The following HPSE2 variants were observed in gnomAD, a reference collection of about 807,000 sequenced individuals.
HPSE2 encodes inactive heparanase-2.
In HPSE2, 38 loss-of-function variants were observed where a neutral mutation model predicts 60.5. The observed-to-expected ratio is 0.63, with a 90% CI of 0.48 to 0.82. The LOEUF is 0.82. HPSE2 is among the 40% of genes least tolerant of loss of function. HPSE2 has a pLI of 0.00. For missense variants in HPSE2, 713 were observed against 740.4 expected (o/e 0.96, Z 0.43); for synonymous variants, 295 against 293.2 (o/e 1.01, Z -0.06).
chr10:98,602,093 T>C (rs1363529570), intron 9 of HPSE2, among the ~76,000 whole-genome samples: 3 of 152,102 alleles, frequency 2.0e-5, no homozygotes, highest in East Asian at 1.9e-4. Context: ...CTCACCAAAG[T>C]AGTGAGTGAT....
chr10:99,132,198 AG>A (rs1302338693), intron 3 of HPSE2, among the ~76,000 whole-genome samples: 5 of 15,388 alleles, frequency 3.2e-4, no homozygotes, highest in Admixed American at 9.2e-4. Context: ...AGAAAGAGAG[AG>A]AGAGAGAGAG....
intron 3 of HPSE2, among the ~76,000 whole-genome samples, chr10:98,802,575 G>T (rs1589850390): frequency 6.8e-6 from 1 of 147,792 alleles, no homozygotes; most frequent in East Asian, 2.0e-4. Flanking sequence ...GCGGTGTTTG[G>T]TTTTTTGTTC....
chr10:99,041,674 T>C (rs1303128728), intron 3 of HPSE2, among the ~76,000 whole-genome samples: 1 of 152,020 alleles, frequency 6.6e-6, no homozygotes, highest in East Asian at 1.9e-4. Flanking sequence ...TGCTGAGGAG[T>C]GCACGGATTG....
intron 3 of HPSE2, among the ~76,000 whole-genome samples, chr10:98,886,728 A>C (rs1953176745): frequency 1.3e-5 from 2 of 152,128 alleles, no homozygotes; most frequent in Non-Finnish European, 2.9e-5. Context: ...GTGGAGATAA[A>C]AATTGAGAGA....
rs112072577 is a variant in HPSE2 at position 98,908,179 on chromosome 10, T to C, written c.611-164123A>G. ...AGTTGTTAATTAGTCACAATAATCA[T>C]ATAAGGTAGGTAGATAAGGAAACCA... On this transcript the variant is annotated intron_variant, in intron 3 of 11. Coordinates refer to ENST00000370552, the MANE Select transcript of HPSE2 (RefSeq NM_021828.5). Among the ~76,000 whole-genome samples, 266 of 152,282 alleles carry C rather than the reference T, an allele frequency of 1.7e-3. 1 individual carries two copies. Among genetic ancestry groups the C allele is most frequent in the African/African-American group, 6.3e-3 (262 of 41,548 alleles).
At chr10:99,301,340 A>C in the HPSE2 span, among the ~76,000 whole-genome samples, 1 of 152,218 alleles carries the variant, frequency 6.6e-6, no homozygotes, top group Non-Finnish European at 1.5e-5. Context: ...GAAGACTCTG[A>C]CAGAGACACA....
chr10:98,598,768 A>C (rs1208585184), intron 9 of HPSE2, among the ~76,000 whole-genome samples: 1 of 151,882 alleles, frequency 6.6e-6, no homozygotes, highest in African/African-American at 2.4e-5. Flanking sequence ...GTCTGGTGTC[A>C]TCAGGACTGG....
In HPSE2 at chr10:98,937,282, G is replaced by A. The variant is rs1250645737; in HGVS notation, c.611-193226C>T. Among the ~76,000 whole-genome samples, 5 of 144,508 alleles carry A rather than the reference G, an allele frequency of 3.5e-5. 1 individual carries two copies. The highest frequency in any genetic ancestry group is 6.9e-5 in the Admixed American group (1 of 14,576). The allele number at this position is 144,508 out of a possible 152,430, so 94.8% of individuals were successfully genotyped here. On this transcript the variant is annotated intron_variant, in intron 3 of 11. Transcript: ENST00000370552. ...CGTGCGCAAGCTGAAGCAGGGCAAG[G>A]CATTGCCTCACTCAGGAAGTGCAAG...
rs1458907092 is a variant in HPSE2 at position 98,701,002 on chromosome 10, G to A, written c.957-7055C>T. 9.7e-4 allele frequency among the ~76,000 whole-genome samples: 63 copies of A among 65,042 alleles called. 22 individuals are homozygous for A. The highest frequency in any genetic ancestry group is 2.0e-3 in the Non-Finnish European group (48 of 23,448). The allele number at this position is 65,042 out of a possible 152,430, so 42.7% of individuals were successfully genotyped here. A position where few individuals can be genotyped will look rare whatever the true frequency, so the allele number is the denominator to read the frequency against. On this transcript the variant is annotated intron_variant, in intron 5 of 11. Transcript: ENST00000370552. ...AAGTCCGGAAACAACAGGTGCTGGA[G>A]AGGATGTGGAGAAATAGGAACACTT...
chr10:98,890,524 T>C (rs765665118), intron 3 of HPSE2, among the ~76,000 whole-genome samples: 3 of 152,206 alleles, frequency 2.0e-5, no homozygotes, highest in Admixed American at 1.3e-4. Flanking sequence ...CAAGAAAAGA[T>C]GGAAAACTGT....
At chr10:99,142,973 C>T (rs1185282982) in intron 3 of HPSE2, among the ~76,000 whole-genome samples, 2 of 151,920 alleles carry the variant, frequency 1.3e-5, no homozygotes, top group African/African-American at 2.4e-5. Context: ...CGTATTTATA[C>T]ACACACACAC....
intron 7 of HPSE2, among the ~76,000 whole-genome samples, chr10:98,628,736 T>C (rs942945888): frequency 6.6e-6 from 1 of 152,084 alleles, no homozygotes; most frequent in South Asian, 2.1e-4. Context: ...GGCAGAGTTG[T>C]ATAAAGGGAA....
At chr10:98,744,194 T>G in intron 3 of HPSE2, 138 bp from the exon 4 acceptor site, 4 of 831,850 alleles carry the variant, frequency 4.8e-6, no homozygotes, top group Non-Finnish European at 7.9e-6. Context: ...AAAGGGACTA[T>G]TACCTTTTGG....
intron 2 of HPSE2, among the ~76,000 whole-genome samples, chr10:99,174,783 T>C (rs954507488): frequency 6.6e-6 from 1 of 152,200 alleles, no homozygotes; most frequent in Non-Finnish European, 1.5e-5. Flanking sequence ...GGGTATGCCC[T>C]AAGCCAATCT....
At chr10:98,880,745 G>A (rs1378136079) in intron 3 of HPSE2, among the ~76,000 whole-genome samples, 2 of 152,038 alleles carry the variant, frequency 1.3e-5, no homozygotes, top group East Asian at 3.9e-4. Context: ...AGATGAGAAG[G>A]AGACTTATTT....
At chr10:98,662,476 G>A (rs1202399492) in intron 6 of HPSE2, among the ~76,000 whole-genome samples, 1 of 152,174 alleles carries the variant, frequency 6.6e-6, no homozygotes, top group Non-Finnish European at 1.5e-5. Context: ...AATACTGCAT[G>A]TTCTCACTTA....
At chr10:99,219,088 C>T (rs1006616500) in intron 2 of HPSE2, among the ~76,000 whole-genome samples, 3 of 152,224 alleles carry the variant, frequency 2.0e-5, no homozygotes, top group Non-Finnish European at 2.9e-5. Context: ...TCTGCTTATT[C>T]ACTATGGGCC....
intron 6 of HPSE2, among the ~76,000 whole-genome samples, chr10:98,673,899 GT>G (rs1947569106): frequency 6.6e-6 from 1 of 152,134 alleles, no homozygotes; most frequent in Non-Finnish European, 1.5e-5. Context: ...GAGGAAGATG[GT>G]GTTAATGATA....
chr10:98,889,032 A>G (rs886985089), intron 3 of HPSE2, among the ~76,000 whole-genome samples: 6 of 152,160 alleles, frequency 3.9e-5, no homozygotes, highest in African/African-American at 1.4e-4. Context: ...TCTATTAAAA[A>G]ATTAGAAGTC....
Sources: gnomAD v4.1 joint callset for allele counts (sites outside exome capture counted in the v4.1 genomes callset) on GRCh38, gnomAD v4.1.1 for gene constraint, MANE v1.5 for transcripts, NCBI Gene and HGNC (gene_info 2026-07-23, HGNC 2026-07-21) for gene names.